The following ANK1 variants were observed in gnomAD, a reference collection of about 807,000 sequenced individuals.
ANK1 encodes ankyrin 1, also known as ankyrin-1.
ANK1 carries 51 observed loss-of-function variants against 210.4 expected under a neutral mutation model. That is an observed-to-expected ratio of 0.24 (90% CI 0.19 to 0.31). The LOEUF is 0.31. Among genes scored for constraint, ANK1 ranks in the 10% least tolerant of loss-of-function variants. The pLI is 1.00. For synonymous variants in ANK1, 967 were observed against 1,025.9 expected (o/e 0.94, Z 1.10); for missense variants, 2,051 against 2,504.4 (o/e 0.82, Z 3.86).
intron 2 of ANK1, among the ~76,000 whole-genome samples, chr8:41,738,832 C>T (rs1199752345): frequency 1.3e-5 from 2 of 152,198 alleles, no homozygotes; most frequent in Non-Finnish European, 2.9e-5. Context: ...TTCTTGAAGC[C>T]AAATGGCAGA....
intron 3 of ANK1, among the ~76,000 whole-genome samples, chr8:41,733,633 A>G (rs1400721536): frequency 6.6e-6 from 1 of 152,226 alleles, no homozygotes; most frequent in Non-Finnish European, 1.5e-5. Context: ...AGCGTGAAGT[A>G]TGTCTGCTGG....
rs1408918467 is a variant in ANK1, at chr8:41,701,629, C to T, written c.2389-7G>A. 3 of 1,613,712 alleles carry T rather than the reference C, an allele frequency of 1.9e-6. No homozygotes were observed. In the East Asian group the frequency reaches 6.7e-5, roughly 36 times the overall value. ...GATGCTTATCACTGACTAACTAAAA[C>T]GAGAAAAAGCAGATAATTCAACCCA... On this transcript the variant is annotated splice_region_variant and splice_polypyrimidine_tract_variant and intron_variant, in intron 21 of 42. Transcript: ENST00000289734.
At chr8:41,866,598 G>C (rs757040118) in intron 1 of ANK1, among the ~76,000 whole-genome samples, 11 of 152,232 alleles carry the variant, frequency 7.2e-5, no homozygotes, top group Non-Finnish European at 1.3e-4. Flanking sequence ...ATCTTGCAAA[G>C]TGAAACTCTG....
In ANK1 at chr8:41,672,778, C is replaced by T; in HGVS notation, c.4672G>A (p.Asp1558Asn). ...ATGTCAGACATCTCCAGCATGGTGT[C>T]ATGCTCCGTGGCCGCCAAGGGGATG... ...DAIPLAATEH[D>N]TMLEMSDMQV... The change falls in exon 38 of 43, where the codon GAC becomes AAC. Residue 1558 changes from aspartate (D) to asparagine (N), a missense_variant. Asp to Asn is a conservative substitution (Grantham distance 23). Transcript: ENST00000289734. 1.2e-6 allele frequency: 2 copies of T among 1,603,748 alleles called. No homozygotes were observed. The highest frequency in any genetic ancestry group is 1.3e-5 in the African/African-American group (1 of 74,926).
intron 1 of ANK1, among the ~76,000 whole-genome samples, chr8:41,814,558 T>A (rs992182247): frequency 2.0e-5 from 3 of 152,142 alleles, no homozygotes; most frequent in African/African-American, 7.2e-5. Context: ...GTGTTTTCCA[T>A]GAATCTCCTT....
intron 23 of ANK1, among the ~76,000 whole-genome samples, chr8:41,699,010 G>A (rs1001807481): frequency 1.6e-4 from 25 of 152,184 alleles, no homozygotes; most frequent in East Asian, 7.7e-4. Flanking sequence ...TGTTGGTCAG[G>A]CTGGTCACGA....
At position 41,861,393 on chromosome 8, in the gene ANK1, G is replaced by A. The variant is rs185323952; in HGVS notation, c.126+34962C>T. On this transcript the variant is annotated intron_variant, in intron 1 of 42. Coordinates refer to the ANK1 transcript ENST00000265709. Reference sequence around the variant, plus strand: ...GGGAACACTGCAGGACAGAACCCCCGATGAACATTTGCACTAATAAAGGCT... The same window carrying A: ...GGGAACACTGCAGGACAGAACCCCCAATGAACATTTGCACTAATAAAGGCT... Among the ~76,000 whole-genome samples, 412 of 152,310 alleles carry A rather than the reference G, an allele frequency of 2.7e-3. 1 individual carries two copies. The highest frequency in any genetic ancestry group is 9.4e-3 in the African/African-American group (392 of 41,568).
At chr8:41,841,606 G>A (rs1808916682) in intron 1 of ANK1, among the ~76,000 whole-genome samples, 1 of 152,134 alleles carries the variant, frequency 6.6e-6, no homozygotes, top group African/African-American at 2.4e-5. Flanking sequence ...GGAAGTGATG[G>A]ATGTATCTAT....
intron 1 of ANK1, among the ~76,000 whole-genome samples, chr8:41,831,540 CG>C (rs1220414315): frequency 6.7e-6 from 1 of 149,410 alleles, no homozygotes; most frequent in Non-Finnish European, 1.5e-5. Context: ...TCCAGCTACT[CG>C]GGAAACTGAG....
chr8:41,667,134 C>A (rs937025091), intron 39 of ANK1, among the ~76,000 whole-genome samples: 1 of 152,236 alleles, frequency 6.6e-6, no homozygotes, highest in Non-Finnish European at 1.5e-5. Context: ...GACGGGCCGC[C>A]TGTGGTGAGG....
rs188681804 is a variant in ANK1, at chr8:41,723,362, T to G, written c.811-139A>C. On this transcript the variant is annotated intron_variant, in intron 8 of 42. Transcript: ENST00000289734. ...AAGCACCAGCTCGACCTCAGCACAGTTTTACTATTGCCTCCCACTGCACGC... is the reference window on the plus strand; with the variant it reads ...AAGCACCAGCTCGACCTCAGCACAGGTTTACTATTGCCTCCCACTGCACGC... 6.8e-6 allele frequency: 8 copies of G among 1,172,162 alleles called. No individual in the cohort carries two copies. The African/African-American group carries it at 1.1e-4, about 15-fold the overall frequency. 72.6% of individuals were successfully genotyped at this position (1,172,162 alleles called of 1,614,324 possible). A position where few individuals can be genotyped will look rare whatever the true frequency, so the allele number is the denominator to read the frequency against.
intron 2 of ANK1, among the ~76,000 whole-genome samples, chr8:41,750,502 C>T (rs942701722): frequency 1.4e-4 from 21 of 152,066 alleles, no homozygotes; most frequent in African/African-American, 4.8e-4. Flanking sequence ...CTAGTTCCTA[C>T]GTGGACTAAG....
At chr8:41,787,614 G>C (rs1221260466) in intron 1 of ANK1, among the ~76,000 whole-genome samples, 1 of 152,178 alleles carries the variant, frequency 6.6e-6, no homozygotes, top group Non-Finnish European at 1.5e-5. Flanking sequence ...TAAGTAAATA[G>C]CAGTCAAAAC....
At chr8:41,799,162 TTTGTTGTTG>T (rs534992721), upstream of ANK1, among the ~76,000 whole-genome samples, 12 of 152,048 alleles carry the variant, frequency 7.9e-5, no homozygotes, top group African/African-American at 2.9e-4. Flanking sequence ...ACAATGGCTG[TTTGTTGTTG>T]TTGTTGTTGT....
chr8:41,737,552 A>T (rs1833741434), intron 2 of ANK1, among the ~76,000 whole-genome samples: 1 of 152,220 alleles, frequency 6.6e-6, no homozygotes, highest in Admixed American at 6.5e-5. Context: ...GGGCCGCCTG[A>T]GTAGACCTGC....
In ANK1 at chr8:41,717,593, T is replaced by C. The variant is rs1828055354; in HGVS notation, c.1305+11A>G. On this transcript the variant is annotated intron_variant, in intron 12 of 42. Transcript: ENST00000289734. ...CTAGGGGAGCAAGCCCCTGCCTGCC[T>C]GAGGGCTTACCACGTTGGAGACGTT... The C allele has an allele frequency of 1.3e-6, 2 of 1,550,280 alleles. No individual in the cohort carries two copies.
intron 1 of ANK1, among the ~76,000 whole-genome samples, chr8:41,888,827 C>T (rs906932051): frequency 1.3e-5 from 2 of 152,164 alleles, no homozygotes; most frequent in African/African-American, 2.4e-5. Flanking sequence ...CAGGGCCCGG[C>T]GACGGAGTCC....
intron 1 of ANK1, among the ~76,000 whole-genome samples, chr8:41,869,471 T>C (rs779511654): frequency 4.6e-5 from 7 of 152,078 alleles, no homozygotes; most frequent in Non-Finnish European, 8.8e-5. Context: ...TCCCAGGTAC[T>C]TGGGAGGCTG....
At chr8:41,814,618 C>T (rs1356299029) in intron 1 of ANK1, among the ~76,000 whole-genome samples, 2 of 152,124 alleles carry the variant, frequency 1.3e-5, no homozygotes, top group East Asian at 3.9e-4. Context: ...ATGACAAAGA[C>T]TTAAAATAGC....
Sources: allele counts gnomAD v4.1 joint callset (sites outside exome capture counted in the v4.1 genomes callset), GRCh38; gene constraint gnomAD v4.1.1; transcripts MANE v1.5; gene names NCBI Gene and HGNC (gene_info 2026-07-23, HGNC 2026-07-21).